The following TRIM14 variants were observed in gnomAD, a reference collection of about 807,000 sequenced individuals.
The protein encoded by TRIM14 is tripartite motif containing 14.
A neutral mutation model predicts 44.5 loss-of-function variants in TRIM14; 28 were observed. The ratio of observed to expected loss-of-function variants is 0.63; its 90% CI spans 0.47 to 0.86. TRIM14 has a LOEUF of 0.86. Ranked by LOEUF, TRIM14 falls within the 40% of genes least tolerant of loss-of-function variation. The pLI, the probability that TRIM14 is intolerant of heterozygous loss-of-function variation, is 0.00. For synonymous variants in TRIM14, 299 were observed against 269.2 expected (o/e 1.11, Z -1.08); for missense variants, 607 against 611.1 (o/e 0.99, Z 0.07).
At chr9:98,100,528 A>G (rs557579861) in intron 2 of TRIM14, among the ~76,000 whole-genome samples, 51 of 152,228 alleles carry the variant, frequency 3.4e-4, no homozygotes, top group Non-Finnish European at 4.0e-4. Flanking sequence ...CTGATTAAAA[A>G]TTATTAAATC....
intron 1 of TRIM14, among the ~76,000 whole-genome samples, chr9:98,117,669 A>G (rs1175852795): frequency 6.6e-6 from 1 of 152,208 alleles, no homozygotes; most frequent in Non-Finnish European, 1.5e-5. Context: ...AAAAACTTAT[A>G]TGTAACTGCT....
At chr9:98,062,470 C>G in the TRIM14 span, among the ~76,000 whole-genome samples, 92,890 of 152,000 alleles carry the variant, frequency 0.61, 31,128 homozygotes, top group African/African-American at 0.89. Context: ...AAAAATTTTA[C>G]TTGTAAAAAT....
chr9:98,056,766 G>A, the TRIM14 span: 3 of 1,598,444 alleles, frequency 1.9e-6, no homozygotes, highest in Non-Finnish European at 2.6e-6. Context: ...GGCGGCGGCC[G>A]GACCCAGACT....
chr9:98,082,806 C>A, downstream of TRIM14: 1 of 1,596,182 alleles, frequency 6.3e-7, no homozygotes, highest in Non-Finnish European at 8.6e-7. Flanking sequence ...GCACTAGTTA[C>A]TTCTGTGAAG....
At chr9:98,059,705 G>C in the TRIM14 span, among the ~76,000 whole-genome samples, 1 of 151,590 alleles carries the variant, frequency 6.6e-6, no homozygotes, top group Admixed American at 6.6e-5. Context: ...ATGGGCCACT[G>C]TGCCTGACCT....
At chr9:98,038,714 G>A in the TRIM14 span, among the ~76,000 whole-genome samples, 1 of 152,242 alleles carries the variant, frequency 6.6e-6, no homozygotes, top group East Asian at 1.9e-4. Context: ...TCTGTGATCA[G>A]AGTCCGCTGC....
rs766138671 is a variant in TRIM14, at chr9:98,078,247, T to C, written c.*29-8560A>G. ...CAGTCAATGGACACCATGAAGCAAG[T>C]TTATCAGATCGTGAAGCCCCTCAAC... On this transcript the variant is annotated intron_variant, in intron 6 of 6. Transcript: ENST00000375098. 6.2e-7 allele frequency: 1 copy of C among 1,614,012 alleles called. No homozygotes were observed. The highest frequency in any genetic ancestry group is 1.7e-5 in the Admixed American group (1 of 60,002).
At chr9:98,110,310 G>T (rs1406496155) in intron 1 of TRIM14, 2 of 329,686 alleles carry the variant, frequency 6.1e-6, no homozygotes, top group East Asian at 1.4e-4. Flanking sequence ...TTGGGGTCTG[G>T]GAAAGAACAT....
intron 4 of TRIM14, 83 bp from the exon 5 acceptor site, chr9:98,092,084 A>G: frequency 9.6e-7 from 1 of 1,038,482 alleles, no homozygotes. Context: ...ACACAACTGG[A>G]GATTCGCATA....
At chr9:98,061,793 T>G in the TRIM14 span, among the ~76,000 whole-genome samples, 1 of 146,322 alleles carries the variant, frequency 6.8e-6, no homozygotes, top group African/African-American at 2.5e-5. Context: ...AAAAAAAAAA[T>G]TAATAATAAT....
chr9:98,052,259 T>C, the TRIM14 span, among the ~76,000 whole-genome samples: 2 of 152,022 alleles, frequency 1.3e-5, no homozygotes, highest in Non-Finnish European at 2.9e-5. Flanking sequence ...TCCCAGGCTG[T>C]TAGTAATTAT....
At chr9:98,083,054 A>T, downstream of TRIM14, 1 of 1,613,836 alleles carries the variant, frequency 6.2e-7, no homozygotes, top group Non-Finnish European at 8.5e-7. Flanking sequence ...ATCAAGTCTT[A>T]AAAATAAAGT....
downstream of TRIM14, chr9:98,080,964 C>T (rs117325934): frequency 1.4e-3 from 2,320 of 1,614,182 alleles, 2 homozygotes; most frequent in Non-Finnish European, 1.8e-3. Context: ...AGTGACCACT[C>T]GGCCTCGCTG....
chr9:98,039,475 G>A, the TRIM14 span, among the ~76,000 whole-genome samples: 14 of 152,286 alleles, frequency 9.2e-5, no homozygotes, highest in African/African-American at 2.6e-4. Context: ...TCCCAAAGCA[G>A]ACCTCCTTCT....
chr9:98,114,568 C>T (rs1169573546), intron 1 of TRIM14, among the ~76,000 whole-genome samples: 3 of 152,108 alleles, frequency 2.0e-5, no homozygotes, highest in South Asian at 4.1e-4. Context: ...GTGATCGGCC[C>T]GCCTCAGCCT....
chr9:98,091,060 T>C (rs1372802276), intron 5 of TRIM14, among the ~76,000 whole-genome samples: 1 of 152,212 alleles, frequency 6.6e-6, no homozygotes, highest in Admixed American at 6.6e-5. Context: ...TGAGTCTTTT[T>C]TAGGTTGACA....
chr9:98,100,833 A>T (rs1424362405), intron 2 of TRIM14, among the ~76,000 whole-genome samples: 1 of 152,148 alleles, frequency 6.6e-6, no homozygotes, highest in African/African-American at 2.4e-5. Flanking sequence ...AAAAGTAAAA[A>T]TAATTAAAAT....
the TRIM14 span, among the ~76,000 whole-genome samples, chr9:98,057,512 T>C: frequency 6.6e-6 from 1 of 152,202 alleles, no homozygotes. Flanking sequence ...GGCTGCTTAC[T>C]TAGCCTCCGT....
At chr9:98,064,860 C>T (rs754766803), downstream of TRIM14, among the ~76,000 whole-genome samples, 5 of 152,192 alleles carry the variant, frequency 3.3e-5, no homozygotes, top group East Asian at 5.8e-4. Context: ...GCACCACGCT[C>T]GGTACCAGTT....
Sources: gnomAD v4.1 joint callset for allele counts (sites outside exome capture counted in the v4.1 genomes callset) on GRCh38, gnomAD v4.1.1 for gene constraint, MANE v1.5 for transcripts, NCBI Gene and HGNC (gene_info 2026-07-23, HGNC 2026-07-21) for gene names.